The following CFAP206 variants were observed in gnomAD, a reference collection of about 807,000 sequenced individuals.
The protein encoded by CFAP206 is cilia and flagella associated protein 206, also known as cilia- and flagella-associated protein 206.
Under a neutral mutation model 65.4 loss-of-function variants are expected in CFAP206, and 53 were observed. The observed-to-expected ratio is 0.81, with a 90% confidence interval of 0.65 to 1.02. The LOEUF is 1.02. Ranked by LOEUF, CFAP206 falls within the 50% of genes least tolerant of loss-of-function variation. CFAP206 has a pLI of 0.00. For missense variants in CFAP206, 663 were observed against 753.2 expected, an observed-to-expected ratio of 0.88 and a Z score of 1.40; for synonymous variants, 250 against 254.4, an observed-to-expected ratio of 0.98 and a Z score of 0.17.
At chr6:87,461,639 G>C (rs6454630) in intron 12 of CFAP206, among the ~76,000 whole-genome samples, 87,600 of 151,846 alleles carry the variant, frequency 0.58, 25,496 homozygotes, top group African/African-American at 0.63. Context: ...CTGTCCAACT[G>C]AGTGAAATTA....
intron 9 of CFAP206, among the ~76,000 whole-genome samples, chr6:87,430,761 C>G (rs193090145): frequency 6.6e-6 from 1 of 152,116 alleles, no homozygotes; most frequent in East Asian, 1.9e-4. Flanking sequence ...TCAGAAATGG[C>G]CTCTCCTTTC....
intron 7 of CFAP206, among the ~76,000 whole-genome samples, chr6:87,419,590 A>G (rs1460634371): frequency 1.3e-5 from 2 of 152,140 alleles, no homozygotes; most frequent in Non-Finnish European, 2.9e-5. Flanking sequence ...TCCAGTAACT[A>G]TGAGATTCTC....
chr6:87,407,995 CG>C lies in CFAP206; in HGVS notation c.-98del, dbSNP rs2127945783. 1.0e-6 allele frequency: 1 copy of C among 985,582 alleles called. No individual in the cohort carries two copies. The highest frequency in any genetic ancestry group is 1.1e-4 in the East Asian group (1 of 8,820). The allele number at this position is 985,582 out of a possible 1,614,324, so 61.1% of individuals were successfully genotyped here. ...GCCTTCCATCTCCATGGTTACGCGG[CG>C]GTGGCTGCGAGCGCCCAACTGCTCC... On this transcript the variant is annotated 5_prime_UTR_variant, in exon 1 of 13. Transcript: ENST00000369562.
chr6:87,415,913 T>C (rs201676570), intron 5 of CFAP206, 39 bp downstream of exon 5: 1 of 1,351,022 alleles, frequency 7.4e-7, no homozygotes, highest in East Asian at 2.5e-5. Context: ...TAAGTGAAAA[T>C]ATATGGTCAT....
intron 6 of CFAP206, 99 bp from the exon 7 acceptor site, chr6:87,418,109 C>T (rs572000580): frequency 2.7e-4 from 289 of 1,063,310 alleles, no homozygotes; most frequent in Non-Finnish European, 3.4e-4. Flanking sequence ...GGGAGAAAAA[C>T]CCTAACTTAA....
At chr6:87,455,255 T>G (rs1768619454) in intron 11 of CFAP206, among the ~76,000 whole-genome samples, 1 of 152,024 alleles carries the variant, frequency 6.6e-6, no homozygotes, top group African/African-American at 2.4e-5. Flanking sequence ...CACATGGAAA[T>G]TAAACAATAC....
Position 87,431,953 on chromosome 6 carries a change from AT to A in CFAP206, c.1300+783del, listed in dbSNP as rs1165734742. 6.6e-5 allele frequency among the ~76,000 whole-genome samples: 10 copies of A among 152,308 alleles called. No individual in the cohort carries two copies. The East Asian group carries it at 1.9e-3, about 29-fold the overall frequency. On this transcript the variant is annotated intron_variant, in intron 10 of 12. Transcript: ENST00000369562. Reference sequence around the variant, plus strand: ...AAGGAAATGGCTAATATCAAGTAAAATTTCTCTATGATGTATATATTATTAG... The same window carrying A: ...AAGGAAATGGCTAATATCAAGTAAAATTCTCTATGATGTATATATTATTAG...
intron 11 of CFAP206, chr6:87,435,397 C>G (rs1176256302): frequency 5.9e-6 from 1 of 169,082 alleles, no homozygotes; most frequent in Non-Finnish European, 1.3e-5. Context: ...CTCAGAGCTG[C>G]AAAACAATTT....
intron 5 of CFAP206, 134 bp downstream of exon 5, chr6:87,416,008 A>T: frequency 1.5e-6 from 1 of 646,836 alleles, no homozygotes; most frequent in Non-Finnish European, 2.4e-6. Flanking sequence ...ATCAGCACAA[A>T]TGAGTTAAAA....
At chr6:87,452,545 G>T (rs1375099729) in intron 11 of CFAP206, among the ~76,000 whole-genome samples, 1 of 152,084 alleles carries the variant, frequency 6.6e-6, no homozygotes, top group Non-Finnish European at 1.5e-5. Context: ...TTCAGACAGA[G>T]AATTCAAAAT....
At chr6:87,447,945 A>G (rs967739176) in intron 11 of CFAP206, among the ~76,000 whole-genome samples, 1 of 143,998 alleles carries the variant, frequency 6.9e-6, no homozygotes, top group Non-Finnish European at 1.5e-5. Flanking sequence ...TTTCTTCTAG[A>G]TTTTCTTTAT....
chr6:87,424,017 T>A (rs1250842611), intron 7 of CFAP206, among the ~76,000 whole-genome samples: 2 of 152,176 alleles, frequency 1.3e-5, no homozygotes, highest in Non-Finnish European at 2.9e-5. Flanking sequence ...TTCAAATAGA[T>A]GTCATTCTTT....
intron 11 of CFAP206, among the ~76,000 whole-genome samples, chr6:87,449,498 G>A (rs866426805): frequency 6.7e-6 from 1 of 148,532 alleles, no homozygotes; most frequent in Admixed American, 6.7e-5. Flanking sequence ...AGCATTTGTT[G>A]TTTTCTGTCT....
intron 7 of CFAP206, among the ~76,000 whole-genome samples, chr6:87,420,503 A>G (rs148418073): frequency 3.9e-5 from 6 of 152,324 alleles, no homozygotes; most frequent in Admixed American, 6.5e-5. Context: ...AATTCTAATC[A>G]TGACTTTGCC....
intron 7 of CFAP206, among the ~76,000 whole-genome samples, chr6:87,419,011 C>T (rs1482718571): frequency 6.6e-6 from 1 of 151,954 alleles, no homozygotes; most frequent in Non-Finnish European, 1.5e-5. Flanking sequence ...ACTCAAGAGG[C>T]TGAGGTGGGA....
At chr6:87,447,215 C>A (rs758635871) in intron 11 of CFAP206, among the ~76,000 whole-genome samples, 1 of 152,124 alleles carries the variant, frequency 6.6e-6, no homozygotes, top group Non-Finnish European at 1.5e-5. Context: ...TCCAGAACTT[C>A]CAGTACCGTG....
intron 11 of CFAP206, among the ~76,000 whole-genome samples, chr6:87,458,020 A>G (rs1412826944): frequency 6.6e-6 from 1 of 152,240 alleles, no homozygotes; most frequent in Non-Finnish European, 1.5e-5. Flanking sequence ...AGATCTGGAT[A>G]GACATTTCTC....
At chr6:87,446,684 T>C (rs1018247161) in intron 11 of CFAP206, among the ~76,000 whole-genome samples, 2 of 152,240 alleles carry the variant, frequency 1.3e-5, no homozygotes, top group Non-Finnish European at 2.9e-5. Context: ...ATGGGCTCTT[T>C]TTTGGCTCCA....
intron 3 of CFAP206, among the ~76,000 whole-genome samples, chr6:87,412,340 A>G (rs76572538): frequency 4.6e-5 from 7 of 152,150 alleles, no homozygotes; most frequent in Non-Finnish European, 1.0e-4. Flanking sequence ...CCTCCCAGGA[A>G]AGCAGGGCTG....
Sources: allele counts gnomAD v4.1 joint callset (sites outside exome capture counted in the v4.1 genomes callset), GRCh38; gene constraint gnomAD v4.1.1; transcripts MANE v1.5; gene names NCBI Gene and HGNC (gene_info 2026-07-23, HGNC 2026-07-21).